KIRREL3: variants seen among roughly 807,000 people sequenced by gnomAD.
The protein encoded by KIRREL3 is kirre like nephrin family adhesion molecule 3.
A neutral mutation model predicts 89.7 loss-of-function variants in KIRREL3; 36 were observed. The ratio of observed to expected loss-of-function variants is 0.40; its 90% CI spans 0.31 to 0.53. The LOEUF is 0.53. Among genes scored for constraint, KIRREL3 ranks in the 20% least tolerant of loss-of-function variants. KIRREL3 has a pLI of 0.49. For synonymous variants in KIRREL3, 445 were observed against 441.4 expected (o/e 1.01, Z -0.10); for missense variants, 864 against 1,056.6 (o/e 0.82, Z 2.53).
intron 1 of KIRREL3, among the ~76,000 whole-genome samples, chr11:126,637,499 T>C (rs137888262): frequency 2.0e-5 from 3 of 152,334 alleles, no homozygotes; most frequent in East Asian, 3.9e-4. Flanking sequence ...AGCCTCTGCC[T>C]ATTTGTCCAG....
rs1051291160 is a variant in KIRREL3, at chr11:126,611,787, G to A, written c.56-48875C>T. Among the ~76,000 whole-genome samples the A allele has an allele frequency of 6.6e-6, 1 of 152,138 alleles. No individual in the cohort carries two copies. The highest frequency in any genetic ancestry group is 1.5e-5 in the Non-Finnish European group (1 of 68,028). ...TGCTGCCTCTGTGATCCACAGCCCC[G>A]CCAGGCTGATGCTTCAGGAATGGAT... On this transcript the variant is annotated intron_variant, in intron 1 of 16. Coordinates refer to ENST00000525144, the MANE Select transcript of KIRREL3 (RefSeq NM_032531.4). The surrounding 1 kb of genome is among the most constrained non-coding windows in gnomAD (Gnocchi z 4.7).
rs1951389138 is a variant in KIRREL3, at chr11:126,811,553, T to G, written c.55+188902A>C. Reference sequence around the variant, plus strand: ...GTGCCAGCTACAGCTGACCCTTCCCTCACAGCATGCAACGTTAGCAATGAA... The same window carrying G: ...GTGCCAGCTACAGCTGACCCTTCCCGCACAGCATGCAACGTTAGCAATGAA... On this transcript the variant is annotated intron_variant, in intron 1 of 16. Coordinates refer to ENST00000525144, the MANE Select transcript of KIRREL3 (RefSeq NM_032531.4). This position sits in a 1 kb window ranked among gnomAD's most constrained non-coding sequence, Gnocchi z 4.3. Among the ~76,000 whole-genome samples the G allele has an allele frequency of 6.6e-6, 1 of 152,238 alleles. No individual in the cohort carries two copies. Among genetic ancestry groups the G allele is most frequent in the Non-Finnish European group, 1.5e-5 (1 of 68,040 alleles).
intron 1 of KIRREL3, chr11:126,681,975 A>G (rs1203702234): frequency 4.6e-6 from 2 of 436,418 alleles, no homozygotes; most frequent in African/African-American, 4.0e-5. Flanking sequence ...GGAAGAAAGA[A>G]CAGATGAGTT....
rs1957030649 is a variant in KIRREL3 at position 126,475,182 on chromosome 11, T to C, written c.434-1716A>G. 6.6e-6 allele frequency among the ~76,000 whole-genome samples: 1 copy of C among 152,178 alleles called. No homozygotes were observed. Among genetic ancestry groups the C allele is most frequent in the Non-Finnish European group, 1.5e-5 (1 of 68,022 alleles). On this transcript the variant is annotated intron_variant, in intron 4 of 16. Coordinates refer to ENST00000525144, the MANE Select transcript of KIRREL3 (RefSeq NM_032531.4). This position sits in a 1 kb window ranked among gnomAD's most constrained non-coding sequence, Gnocchi z 7.5. ...GTGGCCAGAGAAGCCCGCCCTTCTA[T>C]GCAGGCTCTGTGCTCGGGGCTCTGG...
rs755577025 is a variant in KIRREL3, at chr11:126,622,708, T to C, written c.56-59796A>G. On this transcript the variant is annotated intron_variant, in intron 1 of 16. Coordinates refer to ENST00000525144, the MANE Select transcript of KIRREL3 (RefSeq NM_032531.4). This position sits in a 1 kb window ranked among gnomAD's most constrained non-coding sequence, Gnocchi z 5.2. The stretch of plus-strand genomic sequence containing the variant: ...CTGTCTCAAAAAACAAAAAAACAAA[T>C]AAAAACTCCACAAAACTTCAGTGGA... Among the ~76,000 whole-genome samples, 1 of 151,892 alleles carries C rather than the reference T, an allele frequency of 6.6e-6. No homozygotes were observed. The highest frequency in any genetic ancestry group is 1.5e-5 in the Non-Finnish European group (1 of 67,966).
intron 4 of KIRREL3, among the ~76,000 whole-genome samples, chr11:126,507,918 A>C (rs546950653): frequency 2.6e-5 from 4 of 152,056 alleles, no homozygotes; most frequent in Non-Finnish European, 4.4e-5. Flanking sequence ...GCCTCTAGCT[A>C]TTTCCTTTGT....
chr11:126,938,573 C>T (rs981184786), intron 1 of KIRREL3, among the ~76,000 whole-genome samples: 4 of 152,196 alleles, frequency 2.6e-5, no homozygotes, highest in African/African-American at 9.7e-5. Context: ...CAACCAGCTA[C>T]TCTAGGTCTC....
chr11:126,472,994 C>G (rs1956949329), intron 5 of KIRREL3, among the ~76,000 whole-genome samples: 1 of 114,518 alleles, frequency 8.7e-6, no homozygotes. Context: ...TCTACCTAAC[C>G]CCCAGCCCCT....
intron 10 of KIRREL3, chr11:126,440,752 G>A (rs1591536171): frequency 1.6e-6 from 1 of 616,056 alleles, no homozygotes; most frequent in Non-Finnish European, 2.9e-6. Context: ...GGGATCATGA[G>A]CGAATGCTTC....
intron 1 of KIRREL3, among the ~76,000 whole-genome samples, chr11:126,809,634 G>C (rs1441144081): frequency 1.3e-5 from 2 of 152,312 alleles, no homozygotes; most frequent in Admixed American, 1.3e-4. Context: ...ATCGCTGTAT[G>C]CTAACTGGAG....
At chr11:126,937,260 G>A (rs1396151085) in intron 1 of KIRREL3, 1 of 152,238 alleles carries the variant, frequency 6.6e-6, no homozygotes, top group Non-Finnish European at 1.5e-5. Context: ...ATTTATCTCA[G>A]TGTGGGTTAA....
rs74579312 is a variant in KIRREL3 at position 126,892,903 on chromosome 11, C to T, written c.55+107552G>A. The stretch of plus-strand genomic sequence containing the variant: ...CCTGCTCCTAGACACAGAGCACTGC[C>T]TGGCATCCCTGCTGCAGAATCGGGC... On this transcript the variant is annotated intron_variant, in intron 1 of 16. Transcript: ENST00000525144. This position sits in a 1 kb window ranked among gnomAD's most constrained non-coding sequence, Gnocchi z 5.4. 1.9e-3 allele frequency among the ~76,000 whole-genome samples: 285 copies of T among 152,346 alleles called. 5 individuals carry two copies. The East Asian group carries it at 0.044, about 23-fold the overall frequency.
rs1454924909 is a variant in KIRREL3 at position 126,614,962 on chromosome 11, A to G, written c.56-52050T>C. Among the ~76,000 whole-genome samples, 1 of 152,078 alleles carries G rather than the reference A, an allele frequency of 6.6e-6. No homozygotes were observed. Among genetic ancestry groups the G allele is most frequent in the Non-Finnish European group, 1.5e-5 (1 of 68,008 alleles). Reference sequence around the variant, plus strand: ...GTAGGCTTATTATTTTTCGAGTGGAACTGGGACTGTTTAGCCTAGAAAAGG... The same window carrying G: ...GTAGGCTTATTATTTTTCGAGTGGAGCTGGGACTGTTTAGCCTAGAAAAGG... On this transcript the variant is annotated intron_variant, in intron 1 of 16. Transcript: ENST00000525144. This position sits in a 1 kb window ranked among gnomAD's most constrained non-coding sequence, Gnocchi z 4.6.
At chr11:126,660,672 C>T in intron 1 of KIRREL3, among the ~76,000 whole-genome samples, 1 of 152,084 alleles carries the variant, frequency 6.6e-6, no homozygotes, top group East Asian at 1.9e-4. Context: ...CATTCTCAGG[C>T]CAGAGAAGCA....
At chr11:126,618,700 G>A (rs7932348) in intron 1 of KIRREL3, among the ~76,000 whole-genome samples, 18,665 of 152,230 alleles carry the variant, frequency 0.12, 1,306 homozygotes, top group East Asian at 0.32. Flanking sequence ...CTCCCAAAGC[G>A]CTGGGATTAC....
chr11:126,843,128 C>T lies in KIRREL3; in HGVS notation c.55+157327G>A, dbSNP rs1473961301. 1.3e-5 allele frequency among the ~76,000 whole-genome samples: 2 copies of T among 152,104 alleles called. No individual in the cohort carries two copies. Among genetic ancestry groups the T allele is most frequent in the Non-Finnish European group, 2.9e-5 (2 of 68,020 alleles). ...CCTCGTTCTCACCTGCCCTTTAGGA[C>T]AATATCCTGCATTATCAGAGCAGCA... On this transcript the variant is annotated intron_variant, in intron 1 of 16. Coordinates refer to ENST00000525144, the MANE Select transcript of KIRREL3 (RefSeq NM_032531.4). This position sits in a 1 kb window ranked among gnomAD's most constrained non-coding sequence, Gnocchi z 4.6.
At position 126,560,281 on chromosome 11, in the gene KIRREL3, G is replaced by A. The variant is rs140435124; in HGVS notation, c.133+2554C>T. 1.9e-3 allele frequency among the ~76,000 whole-genome samples: 285 copies of A among 151,822 alleles called. 1 individual carries two copies. Among genetic ancestry groups the A allele is most frequent in the Non-Finnish European group, 3.3e-3 (226 of 67,914 alleles). ...GGTCCACACAGTAGAGGACACACACGCACACACACACATACACTCTCCATA... is the reference window on the plus strand; with the variant it reads ...GGTCCACACAGTAGAGGACACACACACACACACACACATACACTCTCCATA... On this transcript the variant is annotated intron_variant, in intron 2 of 16. Transcript: ENST00000525144.
chr11:126,662,027 GGA>G (rs1945426870), intron 1 of KIRREL3, among the ~76,000 whole-genome samples: 1 of 152,166 alleles, frequency 6.6e-6, no homozygotes, highest in Non-Finnish European at 1.5e-5. Context: ...GGAGAAAAAA[GGA>G]GAGAGCCAAA....
In KIRREL3 at chr11:126,424,411, A is replaced by C; in HGVS notation, c.*169T>G. On this transcript the variant is annotated 3_prime_UTR_variant, in exon 17 of 17. Transcript: ENST00000525144. The stretch of plus-strand genomic sequence containing the variant: ...TCTGGCACACAGCACCTGGGGACCC[A>C]GATTTGTGCTTGATCAGAGCTTCGA... The C allele has an allele frequency of 2.4e-4, 95 of 401,640 alleles. No individual in the cohort carries two copies. Among genetic ancestry groups the C allele is most frequent in the East Asian group, 6.8e-4 (11 of 16,066 alleles). 24.9% of individuals were successfully genotyped at this position (401,640 alleles called of 1,614,324 possible).
Sources: gnomAD v4.1 joint callset for allele counts (sites outside exome capture counted in the v4.1 genomes callset) on GRCh38, gnomAD v4.1.1 for gene constraint, Gnocchi (gnomAD v3.1) non-coding constraint, MANE v1.5 for transcripts, NCBI Gene and HGNC (gene_info 2026-07-23, HGNC 2026-07-21) for gene names.